SCAMP4: variants seen among roughly 807,000 people sequenced by gnomAD.
The protein encoded by SCAMP4 is secretory carrier membrane protein 4.
In SCAMP4, 19 loss-of-function variants were observed where a neutral mutation model predicts 32.1. That is an observed-to-expected ratio of 0.59 (90% CI 0.41 to 0.87). The LOEUF (loss-of-function observed/expected upper bound fraction) is 0.87. Ranked by LOEUF, SCAMP4 falls within the 40% of genes least tolerant of loss-of-function variation. SCAMP4 has a pLI of 0.00. For missense variants in SCAMP4, 302 were observed against 309.0 expected (o/e 0.98, Z 0.17); for synonymous variants, 152 against 132.7 (o/e 1.15, Z -1.00).
In SCAMP4 at chr19:1,917,809, C is replaced by T. The variant is rs761755494; in HGVS notation, c.123C>T (p.Tyr41=). 2 of 1,613,966 alleles carry T rather than the reference C, an allele frequency of 1.2e-6. No individual in the cohort carries two copies. The highest frequency in any genetic ancestry group is 2.2e-5 in the East Asian group (1 of 44,886). The change falls in exon 3 of 7, where the codon TAC becomes TAT. Residue 41 remains tyrosine, a synonymous_variant. Coordinates refer to ENST00000316097, the MANE Select transcript of SCAMP4 (RefSeq NM_079834.4). ...ACCAGGTCCTGGTGAAGAGGATCTA[C>T]CGGCTGTGGATGTGTGAGTGCGCCT... ...VEHQVLVKRI[Y]RLWMFYCATL... is the part of the protein sequence containing the mutation.
chr19:1,924,473 G>A lies in SCAMP4; in HGVS notation c.*189G>A, dbSNP rs552223482. ...CCCGTGTTCATCTCATCCGAGAGCGGAGTTCCTCACAAGCACTCCCCAGCA... is the reference window on the plus strand; with the variant it reads ...CCCGTGTTCATCTCATCCGAGAGCGAAGTTCCTCACAAGCACTCCCCAGCA... On this transcript the variant is annotated 3_prime_UTR_variant, in exon 7 of 7. Coordinates refer to ENST00000316097, the MANE Select transcript of SCAMP4 (RefSeq NM_079834.4). The A allele has an allele frequency of 4.3e-5, 26 of 602,892 alleles. 1 individual carries two copies. In the South Asian group the frequency reaches 4.9e-4, roughly 11 times the overall value. The allele number at this position is 602,892 out of a possible 1,614,324, so 37.3% of individuals were successfully genotyped here.
rs187519665 is a variant in SCAMP4, at chr19:1,907,499, C to T, written c.-42+2060C>T. 2.0e-4 allele frequency among the ~76,000 whole-genome samples: 31 copies of T among 152,062 alleles called. No individual in the cohort carries two copies. The South Asian group carries it at 5.8e-3, about 29-fold the overall frequency. On this transcript the variant is annotated intron_variant, in intron 1 of 6. Transcript: ENST00000316097. ...AGTTCTCGCAGTCAGGAATTGACCG[C>T]GCTGGGCTGAACGCCTCTAGGGCAG...
rs899632590 is a variant in SCAMP4 at position 1,912,652 on chromosome 19, G to T, written c.-41-2327G>T. On this transcript the variant is annotated intron_variant, in intron 1 of 6. Coordinates refer to ENST00000316097, the MANE Select transcript of SCAMP4 (RefSeq NM_079834.4). The stretch of plus-strand genomic sequence containing the variant: ...GAGCGGGCGGTGTGGGCGGCCCGGC[G>T]GGCAGCAGCGCGGGGCTTGCGGGCC... 18 of 1,422,022 alleles carry T rather than the reference G, an allele frequency of 1.3e-5. No individual in the cohort carries two copies. The Middle Eastern group carries it at 7.5e-4, about 59-fold the overall frequency. The allele number at this position is 1,422,022 out of a possible 1,614,324, so 88.1% of individuals were successfully genotyped here.
chr19:1,917,999 C>G (rs2013789267), intron 3 of SCAMP4, 128 bp from the exon 4 acceptor site: 1 of 1,377,166 alleles, frequency 7.3e-7, no homozygotes. Context: ...TTGGCTTGCA[C>G]AGTTCATCCT....
chr19:1,914,972 C>T lies in SCAMP4; in HGVS notation c.-41-7C>T. The T allele has an allele frequency of 2.5e-6, 4 of 1,613,430 alleles. No individual in the cohort carries two copies. Among genetic ancestry groups the T allele is most frequent in the Non-Finnish European group, 3.4e-6 (4 of 1,179,390 alleles). On this transcript the variant is annotated splice_polypyrimidine_tract_variant and splice_region_variant and intron_variant, in intron 1 of 6. Coordinates refer to ENST00000316097, the MANE Select transcript of SCAMP4 (RefSeq NM_079834.4). ...GGGTTCCCTGACTGTGGTTGTCTTCCTTCCAGGCGGCTGCAGGCTTCAGCC... is the reference window on the plus strand; with the variant it reads ...GGGTTCCCTGACTGTGGTTGTCTTCTTTCCAGGCGGCTGCAGGCTTCAGCC...
chr19:1,924,104 G>A lies in SCAMP4; in HGVS notation c.514-4G>A, dbSNP rs2014020773. 6.2e-7 allele frequency: 1 copy of A among 1,606,048 alleles called. No homozygotes were observed. Among genetic ancestry groups the A allele is most frequent in the Non-Finnish European group, 8.5e-7 (1 of 1,176,368 alleles). On this transcript the variant is annotated splice_region_variant and splice_polypyrimidine_tract_variant and intron_variant, in intron 6 of 6. Coordinates refer to ENST00000316097, the MANE Select transcript of SCAMP4 (RefSeq NM_079834.4). The stretch of plus-strand genomic sequence containing the variant: ...TTCTGCCTCCCTGTCCTCTGTCCTT[G>A]CAGGTGCACAGGATCTACCGAGGGG...
chr19:1,922,532 G>A lies in SCAMP4; in HGVS notation c.396-538G>A, dbSNP rs1005600382. On this transcript the variant is annotated intron_variant, in intron 5 of 6. Coordinates refer to ENST00000316097, the MANE Select transcript of SCAMP4 (RefSeq NM_079834.4). Reference sequence around the variant, plus strand: ...CGACAGGCGTAAGCCTCTGCGCCCGGCCTCCTCATTGTTTCTAATGGTCCC... The same window carrying A: ...CGACAGGCGTAAGCCTCTGCGCCCGACCTCCTCATTGTTTCTAATGGTCCC... The A allele has an allele frequency of 1.8e-5, 18 of 985,334 alleles. No homozygotes were observed. The African/African-American group carries it at 3.0e-4, about 16-fold the overall frequency. The allele number at this position is 985,334 out of a possible 1,614,324, so 61.0% of individuals were successfully genotyped here.
chr19:1,923,917 G>GC (rs1036430461), intron 6 of SCAMP4, among the ~76,000 whole-genome samples, 191 bp from the exon 7 acceptor site: 2 of 97,024 alleles, frequency 2.1e-5, no homozygotes, highest in Admixed American at 1.2e-4. Flanking sequence ...GAGCCACCGT[G>GC]CCCGGCCTAT....
intron 1 of SCAMP4, chr19:1,913,597 C>T (rs1041873776): frequency 1.1e-5 from 2 of 183,870 alleles, no homozygotes; most frequent in South Asian, 2.5e-4. Context: ...GCAAGGCCCC[C>T]AGCTGCTGCC....
At position 1,917,651 on chromosome 19, in the gene SCAMP4, G is replaced by A. The variant is rs778951031; in HGVS notation, c.8-43G>A. 146 of 1,612,382 alleles carry A rather than the reference G, an allele frequency of 9.1e-5. 1 individual carries two copies. In the South Asian group the frequency reaches 1.4e-3, roughly 16 times the overall value. ...AGGGATGAGGTGGGGCCTCCTTCAA[G>A]AGACAAAGTCTGGTTCTGTCCGTGG... is the stretch of plus-strand genomic sequence containing the variant. On this transcript the variant is annotated intron_variant, in intron 2 of 6. Coordinates refer to ENST00000316097, the MANE Select transcript of SCAMP4 (RefSeq NM_079834.4).
rs367653599 is a variant in SCAMP4 at position 1,915,235 on chromosome 19, G to A, written c.7+209G>A. Reference sequence around the variant, plus strand: ...AGCAGAGCCGCCTGTGTATCCGCTCGGACGCCTCACTGACCCGAAGCACAG... The same window carrying A: ...AGCAGAGCCGCCTGTGTATCCGCTCAGACGCCTCACTGACCCGAAGCACAG... On this transcript the variant is annotated intron_variant, in intron 2 of 6. Coordinates refer to ENST00000316097, the MANE Select transcript of SCAMP4 (RefSeq NM_079834.4). 8.5e-4 allele frequency among the ~76,000 whole-genome samples: 129 copies of A among 152,296 alleles called. 5 individuals carry two copies. In the East Asian group the frequency reaches 0.024, roughly 28 times the overall value.
rs191172146 is a variant in SCAMP4 at position 1,924,096 on chromosome 19, C to A, written c.514-12C>A. 1 of 1,590,726 alleles carries A rather than the reference C, an allele frequency of 6.3e-7. No individual in the cohort carries two copies. The highest frequency in any genetic ancestry group is 2.3e-5 in the East Asian group (1 of 44,304). The stretch of plus-strand genomic sequence containing the variant: ...TTTCTGTCTTCTGCCTCCCTGTCCT[C>A]TGTCCTTGCAGGTGCACAGGATCTA... On this transcript the variant is annotated splice_polypyrimidine_tract_variant and intron_variant, in intron 6 of 6. Transcript: ENST00000316097.
intron 6 of SCAMP4, among the ~76,000 whole-genome samples, chr19:1,923,615 C>T (rs1352705501): frequency 2.9e-4 from 25 of 86,474 alleles, no homozygotes; most frequent in African/African-American, 8.0e-4. Context: ...CAGCAAAATG[C>T]TTTTTTTTTT....
chr19:1,924,724 C>T lies in SCAMP4; in HGVS notation c.*440C>T. On this transcript the variant is annotated 3_prime_UTR_variant, in exon 7 of 7. Transcript: ENST00000316097. ...CGTCTCACCGGCCACCCGCCGTCACCATGGCAGATGCCCTTGGCCGGAACT... is the reference window on the plus strand; with the variant it reads ...CGTCTCACCGGCCACCCGCCGTCACTATGGCAGATGCCCTTGGCCGGAACT... 4.8e-6 allele frequency: 1 copy of T among 208,110 alleles called. No individual in the cohort carries two copies. The highest frequency in any genetic ancestry group is 1.0e-5 in the Non-Finnish European group (1 of 98,974). 12.9% of individuals were successfully genotyped at this position (208,110 alleles called of 1,614,324 possible). A position where few individuals can be genotyped will look rare whatever the true frequency, so the allele number is the denominator to read the frequency against.
Position 1,918,947 on chromosome 19 carries a change from C to A in SCAMP4, c.352C>A (p.Leu118Met), listed in dbSNP as rs1461935784. Reference sequence around the variant, plus strand: ...CTTCATCTTCGGAGCCCAGTTTGTCCTGACCGTCATCCAGGCGATTGGCTT... The same window carrying A: ...CTTCATCTTCGGAGCCCAGTTTGTCATGACCGTCATCCAGGCGATTGGCTT... ...FFFIFGAQFV[L>M]TVIQAIGFSG... Residue 118 changes from leucine to methionine, a missense_variant, in exon 5 of 7, where the codon CTG becomes ATG. By Grantham distance (15) the Leu-to-Met change is conservative (BLOSUM62 2). Transcript: ENST00000316097. 65 of 1,612,484 alleles carry A rather than the reference C, an allele frequency of 4.0e-5. No individual in the cohort carries two copies. Among genetic ancestry groups the A allele is most frequent in the Non-Finnish European group, 5.4e-5 (64 of 1,179,326 alleles).
chr19:1,906,562 C>T (rs922509671), intron 1 of SCAMP4: 5 of 151,594 alleles, frequency 3.3e-5, no homozygotes, highest in Admixed American at 2.6e-4. Flanking sequence ...AAAATACATA[C>T]GTGTAGCGCC....
chr19:1,914,069 C>T (rs1305673750), intron 1 of SCAMP4, among the ~76,000 whole-genome samples: 2 of 152,116 alleles, frequency 1.3e-5, no homozygotes, highest in Non-Finnish European at 2.9e-5. Context: ...AGAGCCACAG[C>T]GTGGAGTGAG....
rs1391723330 is a variant in SCAMP4 at position 1,918,951 on chromosome 19, C to T, written c.356C>T (p.Thr119Ile). Reference protein sequence around the residue: ...FFIFGAQFVLTVIQAIGFSGW... With the variant: ...FFIFGAQFVLIVIQAIGFSGW... ...ATCTTCGGAGCCCAGTTTGTCCTGA[C>T]CGTCATCCAGGCGATTGGCTTCTCC... The change falls in exon 5 of 7, where the codon ACC (threonine) becomes ATC (isoleucine). Residue 119 changes from threonine (T) to isoleucine (I), a missense_variant. Thr to Ile is a moderately conservative substitution (Grantham distance 89, BLOSUM62 -1). Coordinates refer to ENST00000316097, the MANE Select transcript of SCAMP4 (RefSeq NM_079834.4). The T allele has an allele frequency of 6.2e-7, 1 of 1,612,410 alleles. No homozygotes were observed. The highest frequency in any genetic ancestry group is 1.7e-5 in the Admixed American group (1 of 59,800).
chr19:1,913,754 G>A (rs142294389), intron 1 of SCAMP4, among the ~76,000 whole-genome samples: 4 of 152,366 alleles, frequency 2.6e-5, no homozygotes, highest in African/African-American at 9.6e-5. Flanking sequence ...ACCCCAAAGG[G>A]CTGATGCTAG....
Sources: allele counts gnomAD v4.1 joint callset (sites outside exome capture counted in the v4.1 genomes callset), GRCh38; gene constraint gnomAD v4.1.1; transcripts MANE v1.5; gene names NCBI Gene and HGNC (gene_info 2026-07-23, HGNC 2026-07-21).